Variants in NEK7 observed in about 807,000 individuals in gnomAD.
The protein encoded by NEK7 is NIMA related kinase 7, also known as serine/threonine-protein kinase Nek7.
In NEK7, 18 loss-of-function variants were observed where a neutral mutation model predicts 44.6. That is an observed-to-expected ratio of 0.40 (90% confidence interval 0.28 to 0.60). The LOEUF (loss-of-function observed/expected upper bound fraction) is 0.60, where lower values mean the gene tolerates loss of function less well. Among genes scored for constraint, NEK7 ranks in the 20% least tolerant of loss-of-function variants. NEK7 has a pLI of 0.38. For synonymous variants in NEK7, 130 were observed against 121.1 expected (o/e 1.07, Z -0.48); for missense variants, 256 against 366.5 (o/e 0.70, Z 2.46).
chr1:198,166,186 A>G (rs1664261947), intron 1 of NEK7, among the ~76,000 whole-genome samples: 1 of 152,208 alleles, frequency 6.6e-6, no homozygotes, highest in Admixed American at 6.5e-5. Flanking sequence ...CTTTCTTATC[A>G]TTGGTGTGTT....
intron 5 of NEK7, among the ~76,000 whole-genome samples, chr1:198,270,703 T>C (rs1200799995): frequency 1.3e-5 from 2 of 152,134 alleles, no homozygotes; most frequent in Non-Finnish European, 1.5e-5. Context: ...TTTTTCTTTA[T>C]ACATACATAA....
At chr1:198,217,887 T>C (rs1401926977) in intron 1 of NEK7, among the ~76,000 whole-genome samples, 1 of 141,990 alleles carries the variant, frequency 7.0e-6, no homozygotes, top group South Asian at 2.2e-4. Context: ...CTTAACCAAG[T>C]AGGTGAAAGA....
At chr1:198,167,020 G>A (rs981626920) in intron 1 of NEK7, among the ~76,000 whole-genome samples, 5 of 152,164 alleles carry the variant, frequency 3.3e-5, no homozygotes, top group African/African-American at 1.2e-4. Flanking sequence ...AATTTATTCT[G>A]TCACCATTCT....
intron 1 of NEK7, among the ~76,000 whole-genome samples, chr1:198,167,543 A>C (rs1664304224): frequency 6.6e-6 from 1 of 152,188 alleles, no homozygotes; most frequent in African/African-American, 2.4e-5. Flanking sequence ...CTTCTCAACC[A>C]AACGGTCCCT....
At chr1:198,277,394 A>G (rs1397454392) in intron 5 of NEK7, among the ~76,000 whole-genome samples, 1 of 151,834 alleles carries the variant, frequency 6.6e-6, no homozygotes, top group African/African-American at 2.4e-5. Context: ...TTTTTCTTCC[A>G]TGGAGTTTAG....
chr1:198,293,125 C>T, intron 8 of NEK7, 86 bp downstream of exon 8: 5 of 682,650 alleles, frequency 7.3e-6, no homozygotes, highest in South Asian at 2.3e-5. Context: ...TTACTTTTTT[C>T]TGGATGTTTA....
intron 1 of NEK7, among the ~76,000 whole-genome samples, chr1:198,175,147 A>T (rs775238995): frequency 6.6e-6 from 1 of 152,224 alleles, no homozygotes; most frequent in Non-Finnish European, 1.5e-5. Flanking sequence ...GGAATAATCA[A>T]TGCATAGAAC....
intron 1 of NEK7, among the ~76,000 whole-genome samples, chr1:198,209,660 T>C (rs1252771096): frequency 6.6e-6 from 1 of 152,140 alleles, no homozygotes; most frequent in African/African-American, 2.4e-5. Flanking sequence ...TTACTTTCTC[T>C]CTCTCTCTCT....
rs1331350557 is a variant in NEK7, at chr1:198,279,009, T to C, written c.537T>C (p.Asp179=). 7 of 1,611,250 alleles carry C rather than the reference T, an allele frequency of 4.3e-6. No individual in the cohort carries two copies. Among genetic ancestry groups the C allele is most frequent in the Non-Finnish European group, 5.9e-6 (7 of 1,178,112 alleles). ...CCACTGGGGTGGTAAAACTTGGAGA[T>C]CTTGGGCTTGGCCGGTTTTTCAGCT... is the stretch of plus-strand genomic sequence containing the variant. The part of the protein sequence containing the change: ...ITATGVVKLG[D]LGLGRFFSSK... The change falls in exon 7 of 10, where the codon GAT becomes GAC. Residue 179 remains aspartate, a synonymous_variant. Transcript: ENST00000367385.
At chr1:198,316,188 A>C (rs965289612) in intron 9 of NEK7, among the ~76,000 whole-genome samples, 1 of 152,220 alleles carries the variant, frequency 6.6e-6, no homozygotes, top group Non-Finnish European at 1.5e-5. Context: ...GTCTCAGTCA[A>C]ATCAAACACA....
intron 1 of NEK7, among the ~76,000 whole-genome samples, chr1:198,177,665 G>T (rs747989390): frequency 1.3e-5 from 2 of 152,038 alleles, no homozygotes; most frequent in African/African-American, 2.4e-5. Flanking sequence ...AAAGGGTATG[G>T]TTATAAAACT....
intron 1 of NEK7, among the ~76,000 whole-genome samples, chr1:198,229,453 G>A (rs551713199): frequency 3.9e-5 from 6 of 152,324 alleles, no homozygotes; most frequent in Admixed American, 3.9e-4. Context: ...ACTTGACGTG[G>A]GTTGGTCAGA....
intron 1 of NEK7, among the ~76,000 whole-genome samples, chr1:198,177,185 T>G (rs1162344348): frequency 6.6e-6 from 1 of 152,174 alleles, no homozygotes; most frequent in African/African-American, 2.4e-5. Context: ...TTCACATTGC[T>G]AGCTTGATTT....
At chr1:198,307,017 TA>T (rs1327195989) in intron 9 of NEK7, among the ~76,000 whole-genome samples, 1 of 152,140 alleles carries the variant, frequency 6.6e-6, no homozygotes, top group Non-Finnish European at 1.5e-5. Flanking sequence ...TACCTGTTGT[TA>T]AAAGGAACAT....
chr1:198,183,363 A>G (rs1044853147), intron 1 of NEK7, among the ~76,000 whole-genome samples: 4 of 152,272 alleles, frequency 2.6e-5, no homozygotes, highest in African/African-American at 9.6e-5. Context: ...TCCGTTGAAT[A>G]GATAGGGGCC....
intron 2 of NEK7, among the ~76,000 whole-genome samples, chr1:198,244,775 G>A (rs1483493789): frequency 1.3e-5 from 2 of 151,682 alleles, no homozygotes; most frequent in African/African-American, 4.8e-5. Flanking sequence ...CACTGAGTTA[G>A]TATTTATTCT....
rs74824311 is a variant in NEK7 at position 198,247,307 on chromosome 1, T to C, written c.58-5733T>C. 0.012 allele frequency among the ~76,000 whole-genome samples: 1,801 copies of C among 152,300 alleles called. 85 individuals carry two copies. In the East Asian group the frequency reaches 0.15, roughly 13 times the overall value. The stretch of plus-strand genomic sequence containing the variant: ...GTCAAAAGACTTAACATTGAAAATA[T>C]CTGTGGATCATCATGTAGGGTCCCA... On this transcript the variant is annotated intron_variant, in intron 2 of 9. Coordinates refer to ENST00000367385, the MANE Select transcript of NEK7 (RefSeq NM_133494.3).
At chr1:198,196,444 A>C (rs1045161695) in intron 1 of NEK7, among the ~76,000 whole-genome samples, 1 of 152,214 alleles carries the variant, frequency 6.6e-6, no homozygotes, top group Non-Finnish European at 1.5e-5. Flanking sequence ...TTTAAGTTTA[A>C]ATCTTGGTTC....
intron 9 of NEK7, among the ~76,000 whole-genome samples, chr1:198,314,309 A>T (rs532935969): frequency 2.5e-4 from 38 of 152,072 alleles, no homozygotes; most frequent in South Asian, 4.2e-4. Flanking sequence ...CTTCTCTGTA[A>T]TGGTTATTCT....
Sources: gnomAD v4.1 joint callset for allele counts (sites outside exome capture counted in the v4.1 genomes callset) on GRCh38, gnomAD v4.1.1 for gene constraint, MANE v1.5 for transcripts, NCBI Gene and HGNC (gene_info 2026-07-23, HGNC 2026-07-21) for gene names.